IL20RA: variants seen among roughly 807,000 people sequenced by gnomAD.
IL20RA encodes interleukin-20 receptor subunit alpha.
Under a neutral mutation model 36.5 loss-of-function variants are expected in IL20RA, and 29 were observed. That is an observed-to-expected ratio of 0.79 (90% CI 0.59 to 1.08). IL20RA has a LOEUF of 1.08. IL20RA is among the 50% of genes least tolerant of loss of function. The probability of loss-of-function intolerance (pLI) is 0.00; values close to 1 mark genes in which losing one functional copy is unlikely to be tolerated. For synonymous variants in IL20RA, 279 were observed against 267.1 expected (o/e 1.04, Z -0.43); for missense variants, 652 against 668.4 (o/e 0.98, Z 0.27).
intron 4 of IL20RA, chr6:137,009,057 G>A: frequency 1.7e-6 from 1 of 576,510 alleles, no homozygotes; most frequent in African/African-American, 1.9e-5. Flanking sequence ...GCAAGTGAAA[G>A]CTCTTCATCA....
chr6:137,026,946 A>G (rs1776108785), intron 1 of IL20RA, among the ~76,000 whole-genome samples: 1 of 151,924 alleles, frequency 6.6e-6, no homozygotes, highest in African/African-American at 2.4e-5. Context: ...TAGTGGCGCA[A>G]TCTTGGCTCA....
chr6:137,002,227 T>C lies in IL20RA; in HGVS notation c.993A>G (p.Gly331=). The C allele has an allele frequency of 6.2e-7, 1 of 1,614,178 alleles. No individual in the cohort carries two copies. Among genetic ancestry groups the C allele is most frequent in the Non-Finnish European group, 8.5e-7 (1 of 1,180,032 alleles). Reference sequence around the variant, plus strand: ...TAAGGCTGGATACATCACTGCTTTTTCCCAGTAAACTCATATCCTGATGAG... The same window carrying C: ...TAAGGCTGGATACATCACTGCTTTTCCCCAGTAAACTCATATCCTGATGAG... The part of the protein sequence containing the change: ...KISHQDMSLL[G]KSSDVSSLND... Residue 331 remains glycine (G), a synonymous_variant, in exon 7 of 7, where the codon GGA becomes GGG. Transcript: ENST00000316649.
intron 1 of IL20RA, among the ~76,000 whole-genome samples, chr6:137,023,542 A>G (rs1462827183): frequency 6.6e-6 from 1 of 152,214 alleles, no homozygotes; most frequent in Non-Finnish European, 1.5e-5. Flanking sequence ...GTATAGACCA[A>G]GAGGAGAAGG....
Position 137,010,739 on chromosome 6 carries a change from G to T in IL20RA, c.403+535C>A, listed in dbSNP as rs112089155. 2.9e-3 allele frequency among the ~76,000 whole-genome samples: 447 copies of T among 152,286 alleles called. 1 individual carries two copies. Among genetic ancestry groups the T allele is most frequent in the African/African-American group, 9.9e-3 (412 of 41,566 alleles). Reference sequence around the variant, plus strand: ...AGTTCATACAAGAAGAAGCATAGTGGATAATCAGGACAATGTTTAATCAAT... The same window carrying T: ...AGTTCATACAAGAAGAAGCATAGTGTATAATCAGGACAATGTTTAATCAAT... On this transcript the variant is annotated intron_variant, in intron 3 of 6. Transcript: ENST00000316649.
In IL20RA at chr6:137,028,797, C is replaced by T. The variant is rs575101858; in HGVS notation, c.89-11694G>A. Among the ~76,000 whole-genome samples the T allele has an allele frequency of 2.6e-5, 4 of 152,034 alleles. No homozygotes were observed. In the South Asian group the frequency reaches 6.2e-4, roughly 24 times the overall value. On this transcript the variant is annotated intron_variant, in intron 1 of 6. Transcript: ENST00000316649. Reference sequence around the variant, plus strand: ...TCTCATGATACTTCTTAGCTCATGGCATTTGAGGGATGTTTCCTTTCAGCT... The same window carrying T: ...TCTCATGATACTTCTTAGCTCATGGTATTTGAGGGATGTTTCCTTTCAGCT...
chr6:137,031,946 G>T (rs1467763368), intron 1 of IL20RA, among the ~76,000 whole-genome samples: 2 of 151,716 alleles, frequency 1.3e-5, no homozygotes, highest in African/African-American at 4.8e-5. Flanking sequence ...CCAGCTACTT[G>T]GGAGGCTGAG....
At chr6:137,008,824 G>C in intron 4 of IL20RA, 81 bp from the exon 5 acceptor site, 1 of 731,362 alleles carries the variant, frequency 1.4e-6, no homozygotes. Flanking sequence ...GAAGGAAATA[G>C]AAGACCAAGG....
At position 137,001,321 on chromosome 6, in the gene IL20RA, CT is replaced by C; in HGVS notation, c.*236del. 1 of 389,168 alleles carries C rather than the reference CT, an allele frequency of 2.6e-6. No individual in the cohort carries two copies. The highest frequency in any genetic ancestry group is 4.6e-6 in the Non-Finnish European group (1 of 218,746). The allele number at this position is 389,168 out of a possible 1,614,324, so 24.1% of individuals were successfully genotyped here. ...GGCAAACATTTATTGACTGCTTTCT[CT>C]GCATAGAACAACCGGCCAGCCCCTG... On this transcript the variant is annotated 3_prime_UTR_variant, in exon 7 of 7. Coordinates refer to ENST00000316649, the MANE Select transcript of IL20RA (RefSeq NM_014432.4).
chr6:137,044,601 A>C lies in IL20RA; in HGVS notation c.88+40T>G, dbSNP rs1195617250. On this transcript the variant is annotated intron_variant, in intron 1 of 6. Transcript: ENST00000316649. ...TCTGCCTGGCGGGGCCCCGGCCTGGAGGCATCCCCGACCCGCACCTGGCGG... is the reference window on the plus strand; with the variant it reads ...TCTGCCTGGCGGGGCCCCGGCCTGGCGGCATCCCCGACCCGCACCTGGCGG... The C allele has an allele frequency of 7.4e-6, 9 of 1,217,782 alleles. No individual in the cohort carries two copies. In the African/African-American group the frequency reaches 1.4e-4, roughly 19 times the overall value. 75.4% of individuals were successfully genotyped at this position (1,217,782 alleles called of 1,614,324 possible).
At chr6:137,039,435 G>A (rs1382815195) in intron 1 of IL20RA, among the ~76,000 whole-genome samples, 1 of 152,150 alleles carries the variant, frequency 6.6e-6, no homozygotes, top group Non-Finnish European at 1.5e-5. Context: ...CAATAGGAGA[G>A]AGGCTGGAAA....
At chr6:137,042,492 G>A (rs926730431) in intron 1 of IL20RA, among the ~76,000 whole-genome samples, 6 of 152,208 alleles carry the variant, frequency 3.9e-5, no homozygotes, top group African/African-American at 1.4e-4. Flanking sequence ...CAATAGGGCG[G>A]AGTTTGATAA....
At chr6:137,004,843 C>A in intron 5 of IL20RA, 83 bp from the exon 6 acceptor site, 1 of 1,273,132 alleles carries the variant, frequency 7.9e-7, no homozygotes, top group Non-Finnish European at 1.1e-6. Context: ...AACCTCGTAT[C>A]GTTAAGCTGC....
At chr6:137,018,529 T>TGC (rs200767470) in intron 1 of IL20RA, among the ~76,000 whole-genome samples, 1 of 151,608 alleles carries the variant, frequency 6.6e-6, no homozygotes, top group East Asian at 1.9e-4. Flanking sequence ...TGTGTGTGTG[T>TGC]GTGTGTGTGT....
intron 1 of IL20RA, among the ~76,000 whole-genome samples, chr6:137,039,722 G>C (rs148658143): frequency 1.4e-4 from 22 of 152,314 alleles, no homozygotes; most frequent in African/African-American, 5.3e-4. Flanking sequence ...GTGGTATGGT[G>C]AGGAATAGAA....
chr6:137,005,658 GTTGTTGTTT>G (rs1484830190), intron 5 of IL20RA, among the ~76,000 whole-genome samples: 2 of 152,016 alleles, frequency 1.3e-5, no homozygotes, highest in African/African-American at 2.4e-5. Flanking sequence ...TGTTGTTGTT[GTTGTTGTTT>G]TTTTTAATGG....
In IL20RA at chr6:137,016,941, T is replaced by C. The variant is rs745483745; in HGVS notation, c.224+27A>G. ...GAGTCTGAGTCTTGTGTTTGTAAGCTAGCCAAAAGGAAAAGAAGAAACTTA... is the reference window on the plus strand; with the variant it reads ...GAGTCTGAGTCTTGTGTTTGTAAGCCAGCCAAAAGGAAAAGAAGAAACTTA... On this transcript the variant is annotated intron_variant, in intron 2 of 6. Coordinates refer to ENST00000316649, the MANE Select transcript of IL20RA (RefSeq NM_014432.4). 5 of 1,606,274 alleles carry C rather than the reference T, an allele frequency of 3.1e-6. No homozygotes were observed. In the Middle Eastern group the frequency reaches 5.2e-4, roughly 167 times the overall value.
At chr6:137,019,950 A>T (rs1163063892) in intron 1 of IL20RA, among the ~76,000 whole-genome samples, 9 of 152,186 alleles carry the variant, frequency 5.9e-5, no homozygotes. Context: ...TCCTCTTGGC[A>T]TTCACAGGTT....
At chr6:137,033,370 T>A (rs1428164687) in intron 1 of IL20RA, among the ~76,000 whole-genome samples, 1 of 152,170 alleles carries the variant, frequency 6.6e-6, no homozygotes. Flanking sequence ...CTTGCCCAAA[T>A]CTCATGTTGA....
intron 2 of IL20RA, among the ~76,000 whole-genome samples, chr6:137,013,013 A>T (rs975749719): frequency 6.6e-6 from 1 of 152,192 alleles, no homozygotes; most frequent in Admixed American, 6.5e-5. Flanking sequence ...AGAAAAATAC[A>T]TTTTATATTG....
Sources: gnomAD v4.1 joint callset for allele counts (sites outside exome capture counted in the v4.1 genomes callset) on GRCh38, gnomAD v4.1.1 for gene constraint, MANE v1.5 for transcripts, NCBI Gene and HGNC (gene_info 2026-07-23, HGNC 2026-07-21) for gene names.